The following OR7E24 variants were observed in gnomAD, a reference collection of about 807,000 sequenced individuals.
The protein encoded by OR7E24 is olfactory receptor 7E24.
For synonymous variants in OR7E24, 130 were observed against 157.5 expected (o/e 0.83, Z 1.31); for missense variants, 385 against 410.3 (o/e 0.94, Z 0.53).
the OR7E24 span, chr19:9,209,366 CCAGT>C: frequency 3.3e-5 from 5 of 152,202 alleles, no homozygotes; most frequent in African/African-American, 1.2e-4. Context: ...GTGCCATTAA[CCAGT>C]CAAATGTTAG....
At chr19:9,225,084 G>A in the OR7E24 span, among the ~76,000 whole-genome samples, 4 of 152,058 alleles carry the variant, frequency 2.6e-5, no homozygotes, top group Non-Finnish European at 5.9e-5. Context: ...GTTATACAAG[G>A]AGAGGGGAGG....
chr19:9,239,711 T>C, the OR7E24 span, among the ~76,000 whole-genome samples: 11 of 144,564 alleles, frequency 7.6e-5, no homozygotes, highest in South Asian at 6.7e-4. Flanking sequence ...CTTTTTCTTT[T>C]TTTTTTTTTT....
chr19:9,217,922 G>A, the OR7E24 span, among the ~76,000 whole-genome samples: 1 of 152,174 alleles, frequency 6.6e-6, no homozygotes, highest in Middle Eastern at 3.2e-3. Context: ...TTGTCCCATG[G>A]GTCATTGAGC....
chr19:9,237,305 T>G, the OR7E24 span, among the ~76,000 whole-genome samples: 1 of 151,554 alleles, frequency 6.6e-6, no homozygotes, highest in South Asian at 2.1e-4. Context: ...TAAAATTTAT[T>G]TATTTATTTA....
At chr19:9,231,355 G>C in the OR7E24 span, among the ~76,000 whole-genome samples, 1 of 152,110 alleles carries the variant, frequency 6.6e-6, no homozygotes, top group Non-Finnish European at 1.5e-5. Flanking sequence ...GCCAAGGCGG[G>C]TGGATCATGA....
the OR7E24 span, chr19:9,235,165 G>A: frequency 2.5e-5 from 32 of 1,274,536 alleles, no homozygotes; most frequent in Non-Finnish European, 3.4e-5. Context: ...AAACCTTACA[G>A]AATTATCAGA....
the OR7E24 span, among the ~76,000 whole-genome samples, chr19:9,225,957 A>G: frequency 6.6e-6 from 1 of 152,162 alleles, no homozygotes; most frequent in African/African-American, 2.4e-5. Context: ...ATTCATTACT[A>G]TGTTTGTGCC....
At chr19:9,247,789 T>C (rs10410267), upstream of OR7E24, among the ~76,000 whole-genome samples, 16,992 of 152,212 alleles carry the variant, frequency 0.11, 1,238 homozygotes, top group African/African-American at 0.21. Context: ...GTTTTGTTCA[T>C]TTGCTCTTAA....
the OR7E24 span, among the ~76,000 whole-genome samples, chr19:9,239,357 A>G: frequency 1.3e-5 from 2 of 152,032 alleles, no homozygotes; most frequent in African/African-American, 4.8e-5. Context: ...ATTTTTTAGT[A>G]GAGACGGGGC....
the OR7E24 span, among the ~76,000 whole-genome samples, chr19:9,226,594 G>T: frequency 3.5e-4 from 54 of 152,326 alleles, no homozygotes; most frequent in Non-Finnish European, 6.5e-4. Flanking sequence ...AAATATTTAG[G>T]CTAAATTGTG....
chr19:9,218,689 T>C, the OR7E24 span, among the ~76,000 whole-genome samples: 1 of 151,994 alleles, frequency 6.6e-6, no homozygotes, highest in Admixed American at 6.6e-5. Flanking sequence ...GAGTGCGGGG[T>C]GCAGTCTCAG....
the OR7E24 span, chr19:9,208,982 G>C: frequency 6.6e-6 from 1 of 152,252 alleles, no homozygotes; most frequent in Non-Finnish European, 1.5e-5. Context: ...GTGAGGCACT[G>C]TGCCTGGCCT....
chr19:9,220,059 A>T, the OR7E24 span, among the ~76,000 whole-genome samples: 16 of 151,750 alleles, frequency 1.1e-4, no homozygotes, highest in African/African-American at 2.9e-4. Flanking sequence ...ATTTTTATAT[A>T]TTTTTTTAAA....
the OR7E24 span, chr19:9,210,120 C>G: frequency 6.6e-6 from 1 of 152,330 alleles, no homozygotes; most frequent in South Asian, 2.1e-4. Context: ...CAATCTACCT[C>G]TACATTCCTG....
At chr19:9,210,969 A>T in the OR7E24 span, 1 of 152,280 alleles carries the variant, frequency 6.6e-6, no homozygotes, top group African/African-American at 2.4e-5. Context: ...TCCATGTGCC[A>T]GTTCTACAGC....
rs749985517 is a variant in OR7E24, at chr19:9,251,978, A to G, written c.935A>G (p.Asn312Ser). Residue 312 changes from asparagine (N) to serine (S), a missense_variant, in exon 1 of 1, where the codon AAC becomes AGC. Transcript: ENST00000456448. ...AACCCCTTCATCTACAGCCTGAGGAACAAGGACATTCAAAGTGCCCTGTGC... is the reference window on the plus strand; with the variant it reads ...AACCCCTTCATCTACAGCCTGAGGAGCAAGGACATTCAAAGTGCCCTGTGC... Reference protein sequence around the residue: ...MLNPFIYSLRNKDIQSALCRL... With the variant: ...MLNPFIYSLRSKDIQSALCRL... The G allele has an allele frequency of 5.6e-6, 9 of 1,614,160 alleles. No homozygotes were observed. The South Asian group carries it at 8.8e-5, about 16-fold the overall frequency.
chr19:9,235,491 T>C, the OR7E24 span: 5,612 of 1,589,146 alleles, frequency 3.5e-3, 125 homozygotes, highest in African/African-American at 0.064. Context: ...TCCTACTGGC[T>C]GTGATAGCCT....
At chr19:9,240,093 A>T in the OR7E24 span, among the ~76,000 whole-genome samples, 1 of 150,460 alleles carries the variant, frequency 6.6e-6, no homozygotes, top group Admixed American at 6.6e-5. Flanking sequence ...CTGGTCTCAA[A>T]CTCCTGGGCT....
At chr19:9,246,466 T>TGGGGTGTG (rs1555720675), upstream of OR7E24, among the ~76,000 whole-genome samples, 4 of 130,986 alleles carry the variant, frequency 3.1e-5, no homozygotes, top group African/African-American at 1.2e-4. Flanking sequence ...CTTAAAGGTA[T>TGGGGTGTG]TGTGTGTGTG....
Sources: gnomAD v4.1 joint callset for allele counts (sites outside exome capture counted in the v4.1 genomes callset) on GRCh38, gnomAD v4.1.1 for gene constraint, MANE v1.5 for transcripts, NCBI Gene and HGNC (gene_info 2026-07-23, HGNC 2026-07-21) for gene names.